Variants in SULT1C3 observed in about 807,000 individuals in gnomAD.
The protein encoded by SULT1C3 is sulfotransferase 1C3.
SULT1C3 carries 31 observed loss-of-function variants against 28.4 expected under a neutral mutation model. That is an observed-to-expected ratio of 1.09 (90% CI 0.82 to 1.47). The LOEUF (loss-of-function observed/expected upper bound fraction) is 1.47. Ranked by LOEUF, SULT1C3 falls within the 40% of genes most tolerant of loss-of-function variation. The pLI is 0.00. For missense variants in SULT1C3, 307 were observed against 272.5 expected (o/e 1.13, Z -0.89); for synonymous variants, 106 against 92.2 (o/e 1.15, Z -0.86).
chr2:108,243,388 T>G (rs1316182047), intron 1 of SULT1C3, among the ~76,000 whole-genome samples: 1 of 152,024 alleles, frequency 6.6e-6, no homozygotes, highest in Non-Finnish European at 1.5e-5. Flanking sequence ...TCCCAGCACT[T>G]TAGGAGGCCG....
intron 2 of SULT1C3, among the ~76,000 whole-genome samples, chr2:108,251,022 A>G (rs1675714295): frequency 6.6e-6 from 1 of 152,054 alleles, no homozygotes. Flanking sequence ...ATTCTATTCT[A>G]TGTAATTTTT....
chr2:108,255,885 G>A (rs1229504020), intron 5 of SULT1C3, among the ~76,000 whole-genome samples, 187 bp downstream of exon 5: 1 of 152,026 alleles, frequency 6.6e-6, no homozygotes, highest in Non-Finnish European at 1.5e-5. Context: ...GTAAATTGAG[G>A]TCAACTGGGG....
intron 2 of SULT1C3, among the ~76,000 whole-genome samples, chr2:108,252,099 T>A (rs796265353): frequency 7.9e-5 from 12 of 151,288 alleles, no homozygotes; most frequent in African/African-American, 2.9e-4. Flanking sequence ...ACATACATAC[T>A]TAGATACATA....
At position 108,246,143 on chromosome 2, in the gene SULT1C3, C is replaced by T. The variant is rs577193747; in HGVS notation, c.-7-1045C>T. 1.4e-3 allele frequency among the ~76,000 whole-genome samples: 218 copies of T among 152,286 alleles called. 1 individual carries two copies. Among genetic ancestry groups the T allele is most frequent in the Non-Finnish European group, 2.4e-3 (160 of 68,026 alleles). ...GTAGCCTGGATTTCATTGTCCATAT[C>T]ATTATTGGCATTTTTGTCAAGGCCA... On this transcript the variant is annotated intron_variant, in intron 1 of 7. Coordinates refer to ENST00000681802, the MANE Select transcript of SULT1C3 (RefSeq NM_001320878.2).
intron 2 of SULT1C3, 79 bp downstream of exon 2, chr2:108,247,445 G>C: frequency 7.7e-7 from 1 of 1,298,164 alleles, no homozygotes; most frequent in Non-Finnish European, 1.0e-6. Flanking sequence ...AATGAAGCAT[G>C]ATTGGGATTT....
Position 108,247,307 on chromosome 2 carries a change from A to T in SULT1C3, c.113A>T (p.Lys38Ile). The T allele has an allele frequency of 6.3e-7, 1 of 1,599,172 alleles. No individual in the cohort carries two copies. Among genetic ancestry groups the T allele is most frequent in the Non-Finnish European group, 8.5e-7 (1 of 1,171,630 alleles). The part of the protein sequence containing the change: ...TLILSKEWWE[K>I]VCNFQAKPDD... Reference sequence around the variant, plus strand: ...ATATTATCAAAAGAATGGTGGGAAAAAGTATGTAATTTCCAAGCCAAGCCT... The same window carrying T: ...ATATTATCAAAAGAATGGTGGGAAATAGTATGTAATTTCCAAGCCAAGCCT... Residue 38 changes from lysine (K) to isoleucine (I), a missense_variant, in exon 2 of 8, where the codon AAA becomes ATA. Coordinates refer to ENST00000681802, the MANE Select transcript of SULT1C3 (RefSeq NM_001320878.2).
intron 2 of SULT1C3, 37 bp downstream of exon 2, chr2:108,247,403 C>G (rs1205548667): frequency 6.9e-7 from 1 of 1,456,220 alleles, no homozygotes; most frequent in South Asian, 1.5e-5. Context: ...TCAATATTTT[C>G]ACGTGAAATT....
chr2:108,241,900 C>G (rs1298699375), intron 1 of SULT1C3, among the ~76,000 whole-genome samples: 1 of 144,548 alleles, frequency 6.9e-6, no homozygotes, highest in Non-Finnish European at 1.5e-5. Flanking sequence ...GCACTCCAGC[C>G]TGGGTGACAA....
At chr2:108,262,103 C>T (rs1349019893), downstream of SULT1C3, among the ~76,000 whole-genome samples, 2 of 151,984 alleles carry the variant, frequency 1.3e-5, no homozygotes, top group Non-Finnish European at 2.9e-5. Context: ...AGTTGGTGAT[C>T]CAGAGAAGAG....
Position 108,259,021 on chromosome 2 carries a change from G to A in SULT1C3, c.677G>A (p.Gly226Asp). 1 of 324,056 alleles carries A rather than the reference G, an allele frequency of 3.1e-6. No individual in the cohort carries two copies. The highest frequency in any genetic ancestry group is 6.7e-6 in the Non-Finnish European group (1 of 149,798). 20.1% of individuals were successfully genotyped at this position (324,056 alleles called of 1,614,324 possible). Residue 226 changes from glycine (G) to aspartate (D), a missense_variant, in exon 7 of 8, where the codon GGT (glycine) becomes GAT (aspartate). Physicochemically the swap from Gly to Asp is moderately conservative, Grantham distance 94 (BLOSUM62 -1). Coordinates refer to ENST00000681802, the MANE Select transcript of SULT1C3 (RefSeq NM_001320878.2). The part of the protein sequence containing the change: ...VLEFLEKTWS[G>D]DVINKIVHHT... ...GAATTCTTGGAGAAAACTTGGTCAG[G>A]TGATGTTATAAACAAGATTGTCCAC...
At chr2:108,264,881 G>A (rs1174769434), downstream of SULT1C3, 2 of 1,613,674 alleles carry the variant, frequency 1.2e-6, no homozygotes, top group East Asian at 2.2e-5. Context: ...ACATATCAGA[G>A]GAAATTCTGA....
At chr2:108,257,087 C>T (rs921550255) in intron 5 of SULT1C3, among the ~76,000 whole-genome samples, 1 of 151,960 alleles carries the variant, frequency 6.6e-6, no homozygotes, top group Non-Finnish European at 1.5e-5. Context: ...AACAACAATC[C>T]TGTTGTTTCT....
chr2:108,243,414 G>A (rs563307913), intron 1 of SULT1C3, among the ~76,000 whole-genome samples: 4 of 152,156 alleles, frequency 2.6e-5, no homozygotes, highest in Middle Eastern at 3.4e-3. Flanking sequence ...GGTGGATCAC[G>A]AGGTCAGGAG....
chr2:108,255,535 T>G, intron 4 of SULT1C3, 37 bp from the exon 5 acceptor site: 1 of 1,602,458 alleles, frequency 6.2e-7, no homozygotes, highest in Non-Finnish European at 8.5e-7. Context: ...CAGTCTATTT[T>G]TCTCTCCATG....
Position 108,253,418 on chromosome 2 carries a change from A to T in SULT1C3, c.375A>T (p.Pro125=). The change falls in exon 4 of 8, where the codon CCA becomes CCT. Residue 125 remains proline, a synonymous_variant. Coordinates refer to ENST00000681802, the MANE Select transcript of SULT1C3 (RefSeq NM_001320878.2). ...KTHLPSHLIP[P]SIWKENCKIV... ...ATCTCCCTTCACATCTGATTCCACCATCTATCTGGAAAGAAAACTGCAAGG... is the reference window on the plus strand; with the variant it reads ...ATCTCCCTTCACATCTGATTCCACCTTCTATCTGGAAAGAAAACTGCAAGG... 1 of 1,554,960 alleles carries T rather than the reference A, an allele frequency of 6.4e-7. No individual in the cohort carries two copies. Among genetic ancestry groups the T allele is most frequent in the Non-Finnish European group, 8.7e-7 (1 of 1,149,412 alleles).
intron 1 of SULT1C3, among the ~76,000 whole-genome samples, chr2:108,241,178 C>A (rs192758889): frequency 1.3e-5 from 2 of 152,244 alleles, no homozygotes; most frequent in Non-Finnish European, 2.9e-5. Context: ...GCTTTATTGG[C>A]TCTGCGTGTC....
At chr2:108,255,511 T>G in intron 4 of SULT1C3, 61 bp from the exon 5 acceptor site, 88 of 1,572,186 alleles carry the variant, frequency 5.6e-5, no homozygotes, top group Non-Finnish European at 7.1e-5. Context: ...AACACTCACT[T>G]GAGTATTTCA....
chr2:108,258,935 T>A, intron 6 of SULT1C3, 31 bp from the exon 7 acceptor site: 2 of 805,710 alleles, frequency 2.5e-6, no homozygotes, highest in Non-Finnish European at 4.1e-6. Context: ...CTTTCCTCCC[T>A]CTTCACAATG....
chr2:108,253,533 A>C, intron 4 of SULT1C3, 91 bp downstream of exon 4: 1 of 653,382 alleles, frequency 1.5e-6, no homozygotes, highest in Non-Finnish European at 2.3e-6. Context: ...ACTTTGAAAA[A>C]TATTTTCCAA....
Sources: allele counts gnomAD v4.1 joint callset (sites outside exome capture counted in the v4.1 genomes callset), GRCh38; gene constraint gnomAD v4.1.1; transcripts MANE v1.5; gene names NCBI Gene and HGNC (gene_info 2026-07-23, HGNC 2026-07-21).